Variants in GRM7 observed in about 807,000 individuals in gnomAD.
The protein encoded by GRM7 is glutamate metabotropic receptor 7, also known as metabotropic glutamate receptor 7.
Under a neutral mutation model 84.5 loss-of-function variants are expected in GRM7, and 35 were observed. The ratio of observed to expected loss-of-function variants is 0.41; its 90% CI spans 0.32 to 0.55. The LOEUF (loss-of-function observed/expected upper bound fraction) is 0.55, where lower values mean the gene tolerates loss of function less well. Ranked by LOEUF, GRM7 falls within the 20% of genes least tolerant of loss-of-function variation. GRM7 has a pLI of 0.19. For synonymous variants in GRM7, 487 were observed against 455.1 expected, an observed-to-expected ratio of 1.07 and a Z score of -0.89; for missense variants, 1,003 against 1,194.6, an observed-to-expected ratio of 0.84 and a Z score of 2.36.
At chr3:7,731,079 CTTTTG>C (rs1347216853) in intron 9 of GRM7, among the ~76,000 whole-genome samples, 1 of 130,558 alleles carries the variant, frequency 7.7e-6, no homozygotes, top group Admixed American at 7.1e-5. Context: ...TTAGTTTTTT[CTTTTG>C]TTTTTTTTTT....
chr3:7,354,965 G>T (rs956298391), intron 4 of GRM7, among the ~76,000 whole-genome samples: 1 of 152,168 alleles, frequency 6.6e-6, no homozygotes, highest in Admixed American at 6.6e-5. Flanking sequence ...GATCTTGATT[G>T]CTTTTCCCTT....
At chr3:7,154,186 A>T (rs959943096) in intron 2 of GRM7, among the ~76,000 whole-genome samples, 1 of 152,192 alleles carries the variant, frequency 6.6e-6, no homozygotes, top group African/African-American at 2.4e-5. Context: ...AACCAAGAAC[A>T]TCGGGTTCTG....
At chr3:7,530,699 G>C (rs866136488) in intron 7 of GRM7, among the ~76,000 whole-genome samples, 4 of 152,072 alleles carry the variant, frequency 2.6e-5, no homozygotes, top group Admixed American at 1.3e-4. Context: ...GACCAGTGAT[G>C]ATGGGCTTTT....
At chr3:7,409,710 C>T (rs1695840116) in intron 4 of GRM7, among the ~76,000 whole-genome samples, 1 of 152,132 alleles carries the variant, frequency 6.6e-6, no homozygotes, top group Non-Finnish European at 1.5e-5. Flanking sequence ...AAGCAGTTCT[C>T]CTGCCTCAGC....
intron 8 of GRM7, among the ~76,000 whole-genome samples, chr3:7,585,893 G>A (rs1022316170): frequency 1.3e-5 from 2 of 152,122 alleles, no homozygotes; most frequent in Non-Finnish European, 2.9e-5. Flanking sequence ...CAAATTCTCG[G>A]CTCCATAGAC....
intron 4 of GRM7, among the ~76,000 whole-genome samples, chr3:7,336,966 C>T (rs1701444510): frequency 6.6e-6 from 1 of 152,056 alleles, no homozygotes; most frequent in Non-Finnish European, 1.5e-5. Context: ...AATGACCATA[C>T]TGCCAAAAGC....
At chr3:7,510,477 A>G (rs1309815972) in intron 7 of GRM7, among the ~76,000 whole-genome samples, 1 of 152,220 alleles carries the variant, frequency 6.6e-6, no homozygotes, top group Admixed American at 6.5e-5. Flanking sequence ...GAATGCATGA[A>G]TGAACAAATA....
chr3:7,414,153 A>C (rs1696060669), intron 4 of GRM7, among the ~76,000 whole-genome samples: 1 of 152,166 alleles, frequency 6.6e-6, no homozygotes, highest in East Asian at 1.9e-4. Flanking sequence ...ATGGCCTTAC[A>C]GGTAAGGGAA....
rs2086428524 is a variant in GRM7 at position 7,439,277 on chromosome 3, T to A, written c.1175-13330T>A. Among the ~76,000 whole-genome samples the A allele has an allele frequency of 2.6e-5, 4 of 152,258 alleles. No individual in the cohort carries two copies. In the South Asian group the frequency reaches 8.3e-4, roughly 32 times the overall value. On this transcript the variant is annotated intron_variant, in intron 5 of 9. Coordinates refer to ENST00000357716, the MANE Select transcript of GRM7 (RefSeq NM_000844.4). ...ATCTTTGGAAGCTGGAGATAGTGTT[T>A]CTCTTTAGAGCAAAGGTCAGCAATA...
intron 1 of GRM7, among the ~76,000 whole-genome samples, chr3:7,040,514 A>T (rs995823602): frequency 1.3e-5 from 2 of 151,980 alleles, no homozygotes; most frequent in African/African-American, 2.4e-5. Context: ...TGTGTTAGCC[A>T]GGATGGTCTC....
chr3:7,000,615 G>C (rs1295423527), intron 1 of GRM7, among the ~76,000 whole-genome samples: 2 of 152,198 alleles, frequency 1.3e-5, no homozygotes, highest in East Asian at 1.9e-4. Flanking sequence ...CTCTTGAACT[G>C]CTTTAATGAA....
chr3:7,397,417 A>T (rs1695255732), intron 4 of GRM7, among the ~76,000 whole-genome samples: 1 of 152,160 alleles, frequency 6.6e-6, no homozygotes, highest in Non-Finnish European at 1.5e-5. Context: ...GGTAGCGGGG[A>T]GGCAGAGATG....
At chr3:7,463,248 T>C (rs1698322536) in intron 7 of GRM7, among the ~76,000 whole-genome samples, 1 of 152,116 alleles carries the variant, frequency 6.6e-6, no homozygotes, top group Non-Finnish European at 1.5e-5. Context: ...CTGGCACATA[T>C]AATTTGTCCA....
At chr3:7,411,678 G>A (rs1349921172) in intron 4 of GRM7, among the ~76,000 whole-genome samples, 2 of 152,002 alleles carry the variant, frequency 1.3e-5, no homozygotes, top group Non-Finnish European at 2.9e-5. Context: ...ATGTTTTTGT[G>A]AACAGCATTT....
At chr3:6,915,510 A>C (rs1040204113) in intron 1 of GRM7, among the ~76,000 whole-genome samples, 12 of 152,202 alleles carry the variant, frequency 7.9e-5, no homozygotes, top group African/African-American at 2.7e-4. Flanking sequence ...CTCAACGTTC[A>C]TCTTTTCATA....
intron 2 of GRM7, among the ~76,000 whole-genome samples, chr3:7,157,637 G>T (rs533108203): frequency 2.4e-4 from 37 of 152,018 alleles, no homozygotes; most frequent in Admixed American, 3.9e-4. Context: ...TCTGTGATAT[G>T]GTTAAGAGTT....
chr3:7,226,740 T>A (rs1473216930), intron 2 of GRM7, among the ~76,000 whole-genome samples: 1 of 152,210 alleles, frequency 6.6e-6, no homozygotes, highest in Non-Finnish European at 1.5e-5. Flanking sequence ...TTCTTTCTCA[T>A]GTTTAGTTGC....
intron 1 of GRM7, among the ~76,000 whole-genome samples, chr3:7,103,798 CTT>C (rs1559443522): frequency 4.5e-5 from 5 of 111,544 alleles, no homozygotes; most frequent in Admixed American, 2.6e-4. Flanking sequence ...TTCTTTCTTT[CTT>C]TCTTTCTTTC....
At chr3:7,235,073 A>G (rs1697306726) in intron 2 of GRM7, among the ~76,000 whole-genome samples, 1 of 152,172 alleles carries the variant, frequency 6.6e-6, no homozygotes, top group Non-Finnish European at 1.5e-5. Context: ...TCATTAGAAT[A>G]AAAAAAGTAA....
Sources: allele counts gnomAD v4.1 joint callset (sites outside exome capture counted in the v4.1 genomes callset), GRCh38; gene constraint gnomAD v4.1.1; transcripts MANE v1.5; gene names NCBI Gene and HGNC (gene_info 2026-07-23, HGNC 2026-07-21).